KCNH1: variants seen among roughly 807,000 people sequenced by gnomAD.
KCNH1 encodes potassium voltage-gated channel subfamily H member 1.
Under a neutral mutation model 69.2 loss-of-function variants are expected in KCNH1, and 27 were observed. The observed-to-expected ratio is 0.39, with a 90% CI of 0.29 to 0.54. KCNH1 has a LOEUF of 0.54. Ranked by LOEUF, KCNH1 falls within the 20% of genes least tolerant of loss-of-function variation. The pLI, the probability that KCNH1 is intolerant of heterozygous loss-of-function variation, is 0.68. For missense variants in KCNH1, 798 were observed against 1,261.6 expected (o/e 0.63, Z 5.57); for synonymous variants, 456 against 487.7 (o/e 0.93, Z 0.86).
Position 210,775,394 on chromosome 1 carries a change from T to C in KCNH1, c.2066A>G (p.His689Arg), listed in dbSNP as rs756986002. 6.2e-7 allele frequency: 1 copy of C among 1,614,108 alleles called. No individual in the cohort carries two copies. Among genetic ancestry groups the C allele is most frequent in the East Asian group, 2.2e-5 (1 of 44,880 alleles). Reference sequence around the variant, plus strand: ...CAGAATCAGGTTCCGGGAGAAGGAATGGGAGAAGGCCGTGTAGAATTCCAG... The same window carrying C: ...CAGAATCAGGTTCCGGGAGAAGGAACGGGAGAAGGCCGTGTAGAATTCCAG... ...KVLEFYTAFS[H>R]SFSRNLILTY... The change falls in exon 10 of 11, where the codon CAT becomes CGT. Residue 689 changes from histidine to arginine, a missense_variant. Physicochemically the swap from His to Arg is conservative, Grantham distance 29. Around this residue, in one of 4 missense-constraint regions of KCNH1, gnomAD observed 197 missense variants for 407.7 expected, o/e 0.48. Transcript: ENST00000271751.
chr1:210,890,875 A>T (rs1029589754), intron 7 of KCNH1, among the ~76,000 whole-genome samples: 1 of 152,204 alleles, frequency 6.6e-6, no homozygotes, highest in Non-Finnish European at 1.5e-5. Flanking sequence ...GACGATCATT[A>T]AAAAGTCAGG....
At chr1:210,949,094 AT>A (rs968625474) in intron 6 of KCNH1, among the ~76,000 whole-genome samples, 12 of 152,174 alleles carry the variant, frequency 7.9e-5, no homozygotes, top group Admixed American at 3.9e-4. Context: ...GTAATGAACA[AT>A]TTTTTTATTA....
At chr1:211,058,350 A>G (rs772957933) in intron 5 of KCNH1, among the ~76,000 whole-genome samples, 1 of 152,226 alleles carries the variant, frequency 6.6e-6, no homozygotes, top group Non-Finnish European at 1.5e-5. Flanking sequence ...ATAAACTAAT[A>G]TCTTGAGTAG....
At chr1:210,734,463 C>T (rs1682824542) in intron 10 of KCNH1, among the ~76,000 whole-genome samples, 1 of 152,216 alleles carries the variant, frequency 6.6e-6, no homozygotes, top group Non-Finnish European at 1.5e-5. Flanking sequence ...AAAACAGCAA[C>T]ATTTCTTTCT....
chr1:210,844,440 A>T (rs1416696902), intron 7 of KCNH1, among the ~76,000 whole-genome samples: 2 of 152,194 alleles, frequency 1.3e-5, no homozygotes, highest in Non-Finnish European at 2.9e-5. Flanking sequence ...AAACCGCTCA[A>T]CTACATGGAA....
intron 10 of KCNH1, among the ~76,000 whole-genome samples, chr1:210,706,787 A>G (rs987919666): frequency 1.3e-5 from 2 of 152,264 alleles, no homozygotes; most frequent in African/African-American, 4.8e-5. Context: ...CCCCAGGTGG[A>G]TGCTGTTATT....
At chr1:210,819,823 A>G (rs989820633) in intron 7 of KCNH1, among the ~76,000 whole-genome samples, 13 of 152,228 alleles carry the variant, frequency 8.5e-5, no homozygotes, top group Admixed American at 5.2e-4. Flanking sequence ...AGTGCTTAGG[A>G]AAAAATAATC....
intron 6 of KCNH1, among the ~76,000 whole-genome samples, chr1:210,973,836 A>C (rs1688554745): frequency 6.6e-6 from 1 of 152,208 alleles, no homozygotes; most frequent in African/African-American, 2.4e-5. Flanking sequence ...AGTGTTACAT[A>C]TTTAAAGATA....
intron 7 of KCNH1, among the ~76,000 whole-genome samples, chr1:210,918,039 C>G (rs1687383441): frequency 6.6e-6 from 1 of 152,138 alleles, no homozygotes; most frequent in Admixed American, 6.5e-5. Context: ...ATCAATTACC[C>G]CCTTAGACAC....
chr1:210,922,178 G>A (rs528014435), intron 6 of KCNH1, among the ~76,000 whole-genome samples: 28 of 151,748 alleles, frequency 1.8e-4, no homozygotes, highest in East Asian at 1.6e-3. Context: ...TAAGGAGATC[G>A]AGACCATCCT....
At chr1:210,993,027 C>T (rs1263431784) in intron 6 of KCNH1, among the ~76,000 whole-genome samples, 3 of 152,140 alleles carry the variant, frequency 2.0e-5, no homozygotes, top group Non-Finnish European at 4.4e-5. Context: ...TCCCTCTAGG[C>T]CCCCACCCAC....
At chr1:210,951,078 G>A (rs1291489677) in intron 6 of KCNH1, among the ~76,000 whole-genome samples, 1 of 152,138 alleles carries the variant, frequency 6.6e-6, no homozygotes, top group African/African-American at 2.4e-5. Context: ...GGAGAGAAGG[G>A]GAGTATTTCC....
chr1:210,953,052 C>A (rs1465275597), intron 6 of KCNH1, among the ~76,000 whole-genome samples: 1 of 152,126 alleles, frequency 6.6e-6, no homozygotes, highest in African/African-American at 2.4e-5. Context: ...TTTATTTGAC[C>A]CAGATAATCA....
intron 9 of KCNH1, among the ~76,000 whole-genome samples, chr1:210,782,411 A>G (rs1182751330): frequency 2.6e-5 from 4 of 152,164 alleles, no homozygotes; most frequent in Non-Finnish European, 5.9e-5. Context: ...TGGGTCATGA[A>G]GATGGAACCT....
chr1:210,866,827 T>C (rs1451255117), intron 7 of KCNH1, among the ~76,000 whole-genome samples: 1 of 152,096 alleles, frequency 6.6e-6, no homozygotes, highest in Non-Finnish European at 1.5e-5. Context: ...CATAGGAACA[T>C]TGTTCATAAT....
Position 210,846,012 on chromosome 1 carries a change from C to T in KCNH1, c.1463-41846G>A, listed in dbSNP as rs1363187206. ...AAAGAGAATAAAATACCTGGGAATC[C>T]AACTTACAAGGGATGTGAAGGACCT... On this transcript the variant is annotated intron_variant, in intron 7 of 10. Transcript: ENST00000271751. Among the ~76,000 whole-genome samples the T allele has an allele frequency of 2.0e-5, 3 of 152,144 alleles. No individual in the cohort carries two copies. In the East Asian group the frequency reaches 5.8e-4, roughly 29 times the overall value.
At chr1:211,110,401 G>T (rs1296817349) in intron 1 of KCNH1, among the ~76,000 whole-genome samples, 1 of 152,072 alleles carries the variant, frequency 6.6e-6, no homozygotes, top group Non-Finnish European at 1.5e-5. Flanking sequence ...TGGGGGTAAA[G>T]GAGGTTAGGA....
At chr1:210,917,229 G>GAGAGAGAGAA (rs1430374011) in intron 7 of KCNH1, among the ~76,000 whole-genome samples, 307 of 78,796 alleles carry the variant, frequency 3.9e-3, no homozygotes, top group Middle Eastern at 0.014. Flanking sequence ...GAGAGAGAGA[G>GAGAGAGAGAA]AGAAAGAAAG....
chr1:210,986,679 G>C (rs1158087039), intron 6 of KCNH1, among the ~76,000 whole-genome samples: 2 of 152,174 alleles, frequency 1.3e-5, no homozygotes, highest in African/African-American at 4.8e-5. Context: ...GTTTCCCTTT[G>C]TGGGTAACCC....
Sources: gnomAD v4.1 joint callset for allele counts (sites outside exome capture counted in the v4.1 genomes callset) on GRCh38, gnomAD v4.1.1 for gene constraint, gnomAD v4.1.1 regional missense constraint, MANE v1.5 for transcripts, NCBI Gene and HGNC (gene_info 2026-07-23, HGNC 2026-07-21) for gene names.